TRIO: variants seen among roughly 807,000 people sequenced by gnomAD.
The protein encoded by TRIO is trio Rho guanine nucleotide exchange factor.
Under a neutral mutation model 351.9 loss-of-function variants are expected in TRIO, and 58 were observed. That is an observed-to-expected ratio of 0.16 (90% CI 0.13 to 0.21). The LOEUF (loss-of-function observed/expected upper bound fraction) is 0.21. Among genes scored for constraint, TRIO ranks in the 10% least tolerant of loss-of-function variants. TRIO has a pLI of 1.00. For synonymous variants in TRIO, 1,758 were observed against 1,595.7 expected (o/e 1.10, Z -2.42); for missense variants, 3,201 against 4,027.8 (o/e 0.79, Z 5.56).
intron 1 of TRIO, among the ~76,000 whole-genome samples, chr5:14,163,045 C>T (rs39618): frequency 0.31 from 46,740 of 151,986 alleles, 7,654 homozygotes; most frequent in East Asian, 0.47. Context: ...ATGTGCAGAA[C>T]GTGCAGGTTT....
intron 1 of TRIO, among the ~76,000 whole-genome samples, chr5:14,158,160 C>G (rs563959602): frequency 1.6e-4 from 24 of 152,296 alleles, no homozygotes; most frequent in African/African-American, 5.8e-4. Flanking sequence ...GGCGCTGTGG[C>G]TCACACCTGT....
chr5:14,392,592 G>C (rs778196751), intron 27 of TRIO, among the ~76,000 whole-genome samples: 11 of 152,180 alleles, frequency 7.2e-5, no homozygotes, highest in Non-Finnish European at 1.6e-4. Context: ...ACACCCAAAG[G>C]ATTATAAATC....
At chr5:14,414,250 C>T (rs984453728) in intron 33 of TRIO, among the ~76,000 whole-genome samples, 7 of 152,250 alleles carry the variant, frequency 4.6e-5, no homozygotes, top group South Asian at 2.1e-4. Context: ...ACGGCACCTC[C>T]GGCATTTCTC....
chr5:14,234,381 G>A (rs1793649079), intron 1 of TRIO, among the ~76,000 whole-genome samples: 1 of 152,176 alleles, frequency 6.6e-6, no homozygotes, highest in African/African-American at 2.4e-5. Context: ...CTAATCTGTG[G>A]GTGGGGTGGT....
At chr5:14,257,332 C>A (rs538888545) in intron 1 of TRIO, among the ~76,000 whole-genome samples, 1 of 152,096 alleles carries the variant, frequency 6.6e-6, no homozygotes, top group Non-Finnish European at 1.5e-5. Context: ...AAGGGAGACA[C>A]GGAATTCTTA....
At chr5:14,148,782 G>A (rs748898068) in intron 1 of TRIO, among the ~76,000 whole-genome samples, 1 of 152,192 alleles carries the variant, frequency 6.6e-6, no homozygotes, top group Non-Finnish European at 1.5e-5. Flanking sequence ...TGGCCAAACT[G>A]ACAAGGGTGA....
chr5:14,472,536 CA>C, intron 38 of TRIO, 55 bp from the exon 39 acceptor site: 1 of 1,594,218 alleles, frequency 6.3e-7, no homozygotes. Context: ...AGCAAAGGTA[CA>C]AAAAAATTCA....
chr5:14,407,797 G>A (rs1309857990), intron 33 of TRIO, among the ~76,000 whole-genome samples: 8 of 152,318 alleles, frequency 5.3e-5, no homozygotes, highest in Middle Eastern at 3.4e-3. Context: ...CTGGGTTTAC[G>A]TGATGGACAA....
intron 1 of TRIO, among the ~76,000 whole-genome samples, chr5:14,173,190 C>CTTT (rs758636385): frequency 6.8e-4 from 45 of 66,448 alleles, no homozygotes; most frequent in African/African-American, 2.5e-3. Flanking sequence ...TTGTATGTTC[C>CTTT]TTTTTTTTTT....
intron 34 of TRIO, among the ~76,000 whole-genome samples, chr5:14,455,183 G>T (rs535468363): frequency 1.3e-5 from 2 of 152,274 alleles, no homozygotes; most frequent in Admixed American, 6.5e-5. Context: ...ATGGGTTGCC[G>T]CTGCTGGCTT....
chr5:14,157,578 T>C (rs552150478), intron 1 of TRIO, among the ~76,000 whole-genome samples: 1 of 150,132 alleles, frequency 6.7e-6, no homozygotes, highest in Admixed American at 6.7e-5. Context: ...TCTCTCTCTC[T>C]CCCTGTCTCT....
intron 49 of TRIO, among the ~76,000 whole-genome samples, chr5:14,496,184 A>G (rs190795557): frequency 3.3e-5 from 5 of 152,362 alleles, no homozygotes; most frequent in Admixed American, 2.0e-4. Context: ...AGACTCTAGT[A>G]TAGTATAAAC....
chr5:14,315,285 C>T (rs1459134125), intron 8 of TRIO, among the ~76,000 whole-genome samples: 1 of 147,422 alleles, frequency 6.8e-6, no homozygotes, highest in Non-Finnish European at 1.5e-5. Context: ...GAGTCTCACT[C>T]TGTCGCCCAG....
chr5:14,362,750 A>C (rs1179025555), intron 13 of TRIO, among the ~76,000 whole-genome samples: 2 of 152,036 alleles, frequency 1.3e-5, no homozygotes, highest in African/African-American at 4.8e-5. Flanking sequence ...TTCCCTCGGG[A>C]CCCTGAGGCC....
At chr5:14,235,366 G>A (rs1208819138) in intron 1 of TRIO, among the ~76,000 whole-genome samples, 5 of 152,148 alleles carry the variant, frequency 3.3e-5, no homozygotes, top group Non-Finnish European at 5.9e-5. Flanking sequence ...ACAGTAAATA[G>A]CATGAAGTCA....
At position 14,397,080 on chromosome 5, in the gene TRIO, T is replaced by A; in HGVS notation, c.4349T>A (p.Ile1450Asn). ...TGCTGTGAGGAAGGAAAGGGAGAGA[T>A]TAAAGATGGCCTGGAGGTGATGCTC... ...LTCCEEGKGE[I>N]KDGLEVMLSV... The change falls in exon 29 of 57, where the codon ATT becomes AAT. Residue 1450 changes from isoleucine (I) to asparagine (N), a missense_variant. Around this residue, in one of 19 missense-constraint regions of TRIO, gnomAD observed 115 missense variants for 239.6 expected, o/e 0.48. Transcript: ENST00000344204. 1 of 1,609,636 alleles carries A rather than the reference T, an allele frequency of 6.2e-7. No homozygotes were observed. The highest frequency in any genetic ancestry group is 8.5e-7 in the Non-Finnish European group (1 of 1,178,778).
At chr5:14,494,422 G>A (rs932540955) in intron 49 of TRIO, among the ~76,000 whole-genome samples, 1 of 152,162 alleles carries the variant, frequency 6.6e-6, no homozygotes, top group Non-Finnish European at 1.5e-5. Flanking sequence ...GTGTCAACAC[G>A]TACTGCTCAG....
At chr5:14,259,448 A>G (rs1795218279) in intron 1 of TRIO, among the ~76,000 whole-genome samples, 1 of 152,232 alleles carries the variant, frequency 6.6e-6, no homozygotes, top group Non-Finnish European at 1.5e-5. Flanking sequence ...CAGATGCATT[A>G]CTTTTCTCAA....
chr5:14,274,822 A>T (rs1461293395), intron 2 of TRIO, among the ~76,000 whole-genome samples: 4 of 152,182 alleles, frequency 2.6e-5, no homozygotes, highest in Admixed American at 2.6e-4. Context: ...AAATTGTCCC[A>T]TCTTTGGCCA....
Sources: gnomAD v4.1 joint callset for allele counts (sites outside exome capture counted in the v4.1 genomes callset) on GRCh38, gnomAD v4.1.1 for gene constraint, gnomAD v4.1.1 regional missense constraint, MANE v1.5 for transcripts, NCBI Gene and HGNC (gene_info 2026-07-23, HGNC 2026-07-21) for gene names.